The following KIF26B variants were observed in gnomAD, a reference collection of about 807,000 sequenced individuals.
The protein encoded by KIF26B is kinesin-like protein KIF26B.
A neutral mutation model predicts 151.2 loss-of-function variants in KIF26B; 63 were observed. That is an observed-to-expected ratio of 0.42 (90% CI 0.34 to 0.51). The LOEUF (loss-of-function observed/expected upper bound fraction) is 0.51. Among genes scored for constraint, KIF26B ranks in the 20% least tolerant of loss-of-function variants. KIF26B has a pLI of 0.07. For synonymous variants in KIF26B, 1,357 were observed against 1,262.1 expected, an observed-to-expected ratio of 1.08 and a Z score of -1.59; for missense variants, 2,813 against 2,913.6, an observed-to-expected ratio of 0.97 and a Z score of 0.79.
Position 245,231,343 on chromosome 1 carries a change from C to T in KIF26B, c.465+74660C>T, listed in dbSNP as rs186801332. ...CAGCCTGGCCAACATGGTGAAACCC[C>T]GTCTGTACTAAAAATACAAAAAATT... On this transcript the variant is annotated intron_variant, in intron 2 of 14. Coordinates refer to ENST00000407071, the MANE Select transcript of KIF26B (RefSeq NM_018012.4). Among the ~76,000 whole-genome samples the T allele has an allele frequency of 9.8e-3, 1,495 of 152,010 alleles. 23 individuals carry two copies. The highest frequency in any genetic ancestry group is 0.033 in the African/African-American group (1,387 of 41,458).
rs1035695132 is a variant in KIF26B, at chr1:245,474,012, T to C, written c.1166+54267T>C. 2.0e-5 allele frequency among the ~76,000 whole-genome samples: 3 copies of C among 151,894 alleles called. No homozygotes were observed. In the East Asian group the frequency reaches 5.8e-4, roughly 29 times the overall value. ...ACCTTAAATATTTCCCCTTTCTTTA[T>C]GCTAGAAACATTTGAGTTCTTCTGT... On this transcript the variant is annotated intron_variant, in intron 4 of 14. Transcript: ENST00000407071.
In KIF26B at chr1:245,159,398, T is replaced by C. The variant is rs548246287; in HGVS notation, c.465+2715T>C. ...TCACCACTGATTTACTTTGTGACAT[T>C]GGGTAAATTAGTTTTCCTCTCTACT... On this transcript the variant is annotated intron_variant, in intron 2 of 14. Coordinates refer to ENST00000407071, the MANE Select transcript of KIF26B (RefSeq NM_018012.4). 7.2e-5 allele frequency among the ~76,000 whole-genome samples: 11 copies of C among 152,318 alleles called. No individual in the cohort carries two copies. The South Asian group carries it at 2.3e-3, about 32-fold the overall frequency.
intron 3 of KIF26B, among the ~76,000 whole-genome samples, chr1:245,370,293 C>A (rs1673080954): frequency 6.6e-6 from 1 of 151,966 alleles, no homozygotes; most frequent in African/African-American, 2.4e-5. Context: ...TAACATATTT[C>A]ATTATATGAA....
At chr1:245,289,481 TTTAA>T (rs1671221329) in intron 2 of KIF26B, among the ~76,000 whole-genome samples, 1 of 152,182 alleles carries the variant, frequency 6.6e-6, no homozygotes. Flanking sequence ...ATGCACCCAC[TTTAA>T]TTAATTGGTG....
rs1472965923 is a variant in KIF26B, at chr1:245,318,826, TTC to T, written c.466-48005_466-48004del. On this transcript the variant is annotated intron_variant, in intron 2 of 14. Transcript: ENST00000407071. The surrounding 1 kb of genome is among the most constrained non-coding windows in gnomAD (Gnocchi z 4.0). ...GATCTAACTAAACAGAGTAAAGAGT[TTC>T]TCGGTCACAAGGGAAACTTTTACTA... 6.6e-6 allele frequency among the ~76,000 whole-genome samples: 1 copy of T among 152,098 alleles called. No homozygotes were observed. Among genetic ancestry groups the T allele is most frequent in the Non-Finnish European group, 1.5e-5 (1 of 68,030 alleles).
chr1:245,393,639 G>T (rs776124756), intron 3 of KIF26B, among the ~76,000 whole-genome samples: 1 of 152,158 alleles, frequency 6.6e-6, no homozygotes, highest in Non-Finnish European at 1.5e-5. Context: ...ATTTTCTTCC[G>T]TTTCTTTAGG....
intron 2 of KIF26B, among the ~76,000 whole-genome samples, chr1:245,231,527 A>G (rs1259377965): frequency 6.6e-6 from 1 of 152,208 alleles, no homozygotes; most frequent in East Asian, 1.9e-4. Flanking sequence ...AAGAAAAATA[A>G]ATAAAACTAG....
chr1:245,274,822 T>A (rs1474717102), intron 2 of KIF26B, among the ~76,000 whole-genome samples: 1 of 152,150 alleles, frequency 6.6e-6, no homozygotes, highest in East Asian at 1.9e-4. Context: ...TGATTTATGA[T>A]CCTTTGGGTA....
At position 245,367,446 on chromosome 1, in the gene KIF26B, G is replaced by T; in HGVS notation, c.999+79G>T. ...GAAGTAGGCAGCACTTCCTTCCGCT[G>T]CCTCCTCCCGGGAACCCTGTAACTC... On this transcript the variant is annotated intron_variant, in intron 3 of 14. Transcript: ENST00000407071. This position sits in a 1 kb window ranked among gnomAD's most constrained non-coding sequence, Gnocchi z 4.2. 7.7e-7 allele frequency: 1 copy of T among 1,295,344 alleles called. No homozygotes were observed. Among genetic ancestry groups the T allele is most frequent in the Non-Finnish European group, 1.1e-6 (1 of 949,572 alleles). The allele number at this position is 1,295,344 out of a possible 1,614,324, so 80.2% of individuals were successfully genotyped here. A position where few individuals can be genotyped will look rare whatever the true frequency, so the allele number is the denominator to read the frequency against.
chr1:245,240,824 G>C (rs1670200827), intron 2 of KIF26B, among the ~76,000 whole-genome samples: 1 of 152,038 alleles, frequency 6.6e-6, no homozygotes, highest in South Asian at 2.1e-4. Flanking sequence ...GAGGCTGTGG[G>C]CCAGGTGGCT....
chr1:245,680,395 T>A (rs540628799), intron 10 of KIF26B, among the ~76,000 whole-genome samples: 1 of 152,182 alleles, frequency 6.6e-6, no homozygotes, highest in Non-Finnish European at 1.5e-5. Context: ...GCAGCATACA[T>A]GCCGCTGCTT....
At chr1:245,425,120 T>A (rs1658593599) in intron 4 of KIF26B, among the ~76,000 whole-genome samples, 1 of 151,628 alleles carries the variant, frequency 6.6e-6, no homozygotes, top group Admixed American at 6.6e-5. Context: ...TGAAGTAGGG[T>A]ATCATTAGAT....
At chr1:245,566,184 T>C (rs2043008662) in intron 5 of KIF26B, among the ~76,000 whole-genome samples, 2 of 152,220 alleles carry the variant, frequency 1.3e-5, no homozygotes, top group African/African-American at 2.4e-5. Flanking sequence ...CATATCACCA[T>C]AGTTAGTGCA....
At chr1:245,436,641 T>G (rs2103044641) in intron 4 of KIF26B, among the ~76,000 whole-genome samples, 1 of 152,278 alleles carries the variant, frequency 6.6e-6, no homozygotes, top group Non-Finnish European at 1.5e-5. Flanking sequence ...TCTGCTTTTC[T>G]CAGAGTCTAC....
intron 4 of KIF26B, among the ~76,000 whole-genome samples, chr1:245,493,064 C>T (rs1660442601): frequency 6.6e-6 from 1 of 152,154 alleles, no homozygotes; most frequent in Non-Finnish European, 1.5e-5. Context: ...CAGGTGTGAA[C>T]CACTGTGCCT....
chr1:245,701,759 T>TTGTC (rs1244373543), intron 14 of KIF26B, among the ~76,000 whole-genome samples: 1 of 152,210 alleles, frequency 6.6e-6, no homozygotes, highest in African/African-American at 2.4e-5. Flanking sequence ...TCTTCAGAGC[T>TTGTC]TGTCTCGTGC....
chr1:245,330,747 A>G (rs1572007657), intron 2 of KIF26B, among the ~76,000 whole-genome samples: 1 of 58,684 alleles, frequency 1.7e-5, no homozygotes, highest in Non-Finnish European at 3.1e-5. Flanking sequence ...AGAGTCGGGG[A>G]GGGAGTGGGG....
At chr1:245,440,695 C>T (rs1244354226) in intron 4 of KIF26B, among the ~76,000 whole-genome samples, 4 of 152,234 alleles carry the variant, frequency 2.6e-5, no homozygotes, top group Non-Finnish European at 5.9e-5. Context: ...CCCTTCTAGT[C>T]TGTTTCTGAA....
chr1:245,198,209 G>A (rs1459728277), intron 2 of KIF26B, among the ~76,000 whole-genome samples: 1 of 152,156 alleles, frequency 6.6e-6, no homozygotes, highest in Non-Finnish European at 1.5e-5. Flanking sequence ...ATTCAAATCA[G>A]GATACCAGAG....
Sources: gnomAD v4.1 joint callset for allele counts (sites outside exome capture counted in the v4.1 genomes callset) on GRCh38, gnomAD v4.1.1 for gene constraint, Gnocchi (gnomAD v3.1) non-coding constraint, MANE v1.5 for transcripts, NCBI Gene and HGNC (gene_info 2026-07-23, HGNC 2026-07-21) for gene names.